The following MERTK variants were observed in gnomAD, a reference collection of about 807,000 sequenced individuals.
MERTK encodes MER proto-oncogene, tyrosine kinase.
MERTK carries 69 observed loss-of-function variants against 99.3 expected under a neutral mutation model. The observed-to-expected ratio is 0.70, with a 90% CI of 0.57 to 0.85. MERTK has a LOEUF of 0.85. Ranked by LOEUF, MERTK falls within the 40% of genes least tolerant of loss-of-function variation. The probability of loss-of-function intolerance (pLI) is 0.00; values close to 1 mark genes in which losing one functional copy is unlikely to be tolerated. For synonymous variants in MERTK, 426 were observed against 467.6 expected, an observed-to-expected ratio of 0.91 and a Z score of 1.15; for missense variants, 1,125 against 1,249.4, an observed-to-expected ratio of 0.90 and a Z score of 1.50.
At chr2:111,905,608 C>T (rs1482276898) in intron 1 of MERTK, among the ~76,000 whole-genome samples, 2 of 151,668 alleles carry the variant, frequency 1.3e-5, no homozygotes, top group Non-Finnish European at 2.9e-5. Flanking sequence ...GCTGGGATTA[C>T]AGGCACCCAT....
chr2:111,962,091 G>A (rs1382764090), intron 4 of MERTK, among the ~76,000 whole-genome samples: 4 of 152,142 alleles, frequency 2.6e-5, no homozygotes, highest in Non-Finnish European at 5.9e-5. Context: ...GCAAATGGTG[G>A]CATATTTTCA....
chr2:111,940,255 T>C, intron 2 of MERTK: 1 of 342,614 alleles, frequency 2.9e-6, no homozygotes, highest in South Asian at 3.4e-5. Context: ...TGGTTCCCAA[T>C]TGTACTAAAT....
intron 15 of MERTK, among the ~76,000 whole-genome samples, chr2:112,018,719 A>T (rs1376817715): frequency 1.3e-5 from 2 of 152,168 alleles, no homozygotes; most frequent in East Asian, 3.8e-4. Flanking sequence ...CTCATAACTG[A>T]TTCCAACAGT....
intron 4 of MERTK, among the ~76,000 whole-genome samples, chr2:111,962,049 A>G (rs1685260795): frequency 6.6e-6 from 1 of 152,232 alleles, no homozygotes; most frequent in Admixed American, 6.5e-5. Flanking sequence ...ACATGTAGAC[A>G]GAAGACACAA....
intron 1 of MERTK, among the ~76,000 whole-genome samples, chr2:111,902,232 T>C (rs542930538): frequency 6.6e-6 from 1 of 152,240 alleles, no homozygotes; most frequent in South Asian, 2.1e-4. Context: ...TTCCAGATAA[T>C]TGTAGAAGGG....
chr2:112,022,171 T>C, intron 17 of MERTK, 87 bp from the exon 18 acceptor site: 1 of 1,576,768 alleles, frequency 6.3e-7, no homozygotes, highest in Middle Eastern at 1.7e-4. Flanking sequence ...TCATCAGTGT[T>C]TAAGGAAATG....
In MERTK at chr2:111,982,991, T is replaced by C; in HGVS notation, c.1294T>C (p.Ser432Pro). Residue 432 changes from serine to proline, a missense_variant and splice_region_variant, in exon 8 of 19, where the codon TCC (serine) becomes CCC (proline). Physicochemically the swap from Ser to Pro is moderately conservative, Grantham distance 74. Transcript: ENST00000295408. ...ISHVWQSAGI[S>P]KELLEEVGQN... ...CCACGTGTGGCAGAGTGCAGGGATT[T>C]CCGTAAGTCTAAACCCTAGAAGAGC... is the stretch of plus-strand genomic sequence containing the variant. The C allele has an allele frequency of 6.2e-7, 1 of 1,613,110 alleles. No individual in the cohort carries two copies. The highest frequency in any genetic ancestry group is 8.5e-7 in the Non-Finnish European group (1 of 1,179,764).
intron 1 of MERTK, among the ~76,000 whole-genome samples, chr2:111,919,618 A>G (rs899632960): frequency 1.3e-5 from 2 of 151,890 alleles, no homozygotes; most frequent in African/African-American, 4.8e-5. Flanking sequence ...TTTGCAAAGC[A>G]CCACCAAGAA....
At chr2:111,981,483 T>G (rs12613909) in intron 7 of MERTK, among the ~76,000 whole-genome samples, 9,258 of 152,172 alleles carry the variant, frequency 0.061, 452 homozygotes, top group East Asian at 0.24. Context: ...GGCATGATCT[T>G]GACTCACTGC....
chr2:111,976,617 A>T (rs1676258653), intron 7 of MERTK, among the ~76,000 whole-genome samples: 1 of 151,940 alleles, frequency 6.6e-6, no homozygotes, highest in South Asian at 2.1e-4. Context: ...TACACATAAA[A>T]TAACCCACAA....
chr2:111,995,062 T>G (rs1676706901), intron 9 of MERTK: 1 of 163,126 alleles, frequency 6.1e-6, no homozygotes, highest in Non-Finnish European at 1.4e-5. Context: ...GACAGTTTAT[T>G]TGCTGTTGCT....
intron 9 of MERTK, 21 bp downstream of exon 9, chr2:111,994,425 G>A: frequency 6.2e-7 from 1 of 1,613,974 alleles, no homozygotes; most frequent in South Asian, 1.1e-5. Flanking sequence ...TACCCAGTAA[G>A]GGCTGATAGG....
chr2:111,955,661 G>A (rs1221769007), intron 4 of MERTK, among the ~76,000 whole-genome samples: 1 of 152,106 alleles, frequency 6.6e-6, no homozygotes, highest in East Asian at 1.9e-4. Flanking sequence ...ATTATACCAT[G>A]GTTATGTAAG....
At position 111,898,813 on chromosome 2, in the gene MERTK, G is replaced by C; in HGVS notation, c.61+17G>C. Reference sequence around the variant, plus strand: ...GGCGTAGAGGTGAGTGCGCCCGGCTGGGGGCCAGGCGAGGGGGTGGGGGCT... The same window carrying C: ...GGCGTAGAGGTGAGTGCGCCCGGCTCGGGGCCAGGCGAGGGGGTGGGGGCT... On this transcript the variant is annotated intron_variant, in intron 1 of 18. Coordinates refer to ENST00000295408, the MANE Select transcript of MERTK (RefSeq NM_006343.3). 6.3e-7 allele frequency: 1 copy of C among 1,579,726 alleles called. No homozygotes were observed. Among genetic ancestry groups the C allele is most frequent in the Non-Finnish European group, 8.6e-7 (1 of 1,163,616 alleles).
intron 15 of MERTK, among the ~76,000 whole-genome samples, chr2:112,012,043 T>TG (rs904875309): frequency 1.4e-4 from 21 of 152,106 alleles, no homozygotes; most frequent in African/African-American, 5.1e-4. Flanking sequence ...GTAACTAGAC[T>TG]GGGGGGTGTG....
intron 14 of MERTK, among the ~76,000 whole-genome samples, chr2:112,009,646 T>C (rs1677054035): frequency 6.6e-6 from 1 of 152,190 alleles, no homozygotes. Flanking sequence ...AAAAATCTTA[T>C]GGGGTCACTA....
At chr2:112,017,089 G>C (rs1677231750) in intron 15 of MERTK, among the ~76,000 whole-genome samples, 2 of 152,214 alleles carry the variant, frequency 1.3e-5, no homozygotes, top group Non-Finnish European at 2.9e-5. Context: ...TGCTGGCTGG[G>C]GGTGGCCAGC....
At chr2:111,983,526 G>A (rs1558796705) in intron 8 of MERTK, among the ~76,000 whole-genome samples, 1 of 152,216 alleles carries the variant, frequency 6.6e-6, no homozygotes, top group African/African-American at 2.4e-5. Flanking sequence ...CTGCGGGCAA[G>A]CCGAAATTAG....
intron 1 of MERTK, among the ~76,000 whole-genome samples, chr2:111,925,040 A>T (rs1367439153): frequency 1.3e-5 from 2 of 151,828 alleles, no homozygotes; most frequent in Non-Finnish European, 2.9e-5. Flanking sequence ...ATAGGAGGTT[A>T]GTCAGAGAAG....
Sources: allele counts gnomAD v4.1 joint callset (sites outside exome capture counted in the v4.1 genomes callset), GRCh38; gene constraint gnomAD v4.1.1; transcripts MANE v1.5; gene names NCBI Gene and HGNC (gene_info 2026-07-23, HGNC 2026-07-21).